The following MINK1 variants were observed in gnomAD, a reference collection of about 807,000 sequenced individuals.
MINK1 encodes misshapen like kinase 1, also known as misshapen-like kinase 1.
MINK1 carries 46 observed loss-of-function variants against 178.4 expected under a neutral mutation model. That is an observed-to-expected ratio of 0.26 (90% CI 0.20 to 0.33). The LOEUF is 0.33. Among genes scored for constraint, MINK1 ranks in the 10% least tolerant of loss-of-function variants. The pLI, the probability that MINK1 is intolerant of heterozygous loss-of-function variation, is 1.00. For missense variants in MINK1, 1,366 were observed against 1,814.9 expected (o/e 0.75, Z 4.49); for synonymous variants, 797 against 709.7 (o/e 1.12, Z -1.96).
intron 1 of MINK1, 49 bp from the exon 2 acceptor site, chr17:4,878,268 A>T: frequency 1.3e-6 from 2 of 1,503,750 alleles, no homozygotes; most frequent in Non-Finnish European, 1.8e-6. Context: ...TAGCTCTGTA[A>T]TCCTTTTCTA....
chr17:4,839,939 A>ATGTGTGTGTGTGTG (rs34473686), intron 1 of MINK1, among the ~76,000 whole-genome samples: 12 of 141,888 alleles, frequency 8.5e-5, no homozygotes, highest in East Asian at 2.0e-4. Context: ...TTATTTATTA[A>ATGTGTGTGTGTGTG]TGTGTGTGTG....
At chr17:4,870,615 A>G (rs1482577364) in intron 1 of MINK1, among the ~76,000 whole-genome samples, 5 of 152,018 alleles carry the variant, frequency 3.3e-5, no homozygotes, top group Non-Finnish European at 5.9e-5. Context: ...ACTTGAACTC[A>G]GGAGTTCAAG....
At chr17:4,834,630 T>A (rs1040907763) in intron 1 of MINK1, among the ~76,000 whole-genome samples, 10 of 152,222 alleles carry the variant, frequency 6.6e-5, no homozygotes, top group African/African-American at 2.4e-4. Context: ...TTTATGTTTT[T>A]CTTCGGCAGG....
chr17:4,852,802 G>T (rs796979668), intron 1 of MINK1, among the ~76,000 whole-genome samples: 97 of 1,382 alleles, frequency 0.07, 1 homozygote, highest in East Asian at 0.28. Context: ...GAGTGTGTTT[G>T]GTGGGGGAGT....
At position 4,895,876 on chromosome 17, in the gene MINK1, AAGAG is replaced by A; in HGVS notation, c.3364+48_3364+51del. ...AGTGGCCAGCGCATACTTGTTCATG[AAGAG>A]AGAAATGGATCTGGGAGCCAGGGAC... On this transcript the variant is annotated intron_variant, in intron 27 of 31. Coordinates refer to ENST00000355280, the MANE Select transcript of MINK1 (RefSeq NM_153827.5). The surrounding 1 kb of genome is among the most constrained non-coding windows in gnomAD (Gnocchi z 4.3). 2 of 1,602,166 alleles carry A rather than the reference AAGAG, an allele frequency of 1.2e-6. No homozygotes were observed. Among genetic ancestry groups the A allele is most frequent in the South Asian group, 2.2e-5 (2 of 89,872 alleles).
At chr17:4,842,173 T>G (rs1910335462) in intron 1 of MINK1, among the ~76,000 whole-genome samples, 1 of 143,728 alleles carries the variant, frequency 7.0e-6, no homozygotes, top group African/African-American at 2.6e-5. Flanking sequence ...GTAGTGAGCC[T>G]AGACCACGCC....
chr17:4,833,681 C>T lies in MINK1; in HGVS notation c.57+41C>T. 6.9e-7 allele frequency: 1 copy of T among 1,450,774 alleles called. No homozygotes were observed. 89.9% of individuals were successfully genotyped at this position (1,450,774 alleles called of 1,614,324 possible). Reference sequence around the variant, plus strand: ...CCCAGCCTCGCCCTGGTTCCTGTCCCCGCCGCAGGGGAGGGAGCGGGGTGG... The same window carrying T: ...CCCAGCCTCGCCCTGGTTCCTGTCCTCGCCGCAGGGGAGGGAGCGGGGTGG... On this transcript the variant is annotated intron_variant, in intron 1 of 31. Coordinates refer to ENST00000355280, the MANE Select transcript of MINK1 (RefSeq NM_153827.5). The surrounding 1 kb of genome is among the most constrained non-coding windows in gnomAD (Gnocchi z 4.8).
chr17:4,892,525 T>C lies in MINK1; in HGVS notation c.2198+13T>C. 1 of 1,536,806 alleles carries C rather than the reference T, an allele frequency of 6.5e-7. No homozygotes were observed. The highest frequency in any genetic ancestry group is 1.2e-5 in the South Asian group (1 of 84,872). ...CCAACGCCTCTAGGTAATAGAGTTG[T>C]CCCCCAACTCACTCTCACCTCTCAC... On this transcript the variant is annotated intron_variant, in intron 18 of 31. Transcript: ENST00000355280.
chr17:4,892,762 G>A lies in MINK1; in HGVS notation c.2305G>A (p.Val769Met), dbSNP rs367931451. 178 of 1,606,068 alleles carry A rather than the reference G, an allele frequency of 1.1e-4. 1 individual carries two copies. Among genetic ancestry groups the A allele is most frequent in the Non-Finnish European group, 1.3e-4 (158 of 1,176,424 alleles). ...PQAGSLERNR[V>M]GVSSKPDSSP... is the part of the protein sequence containing the mutation. ...GGCTGGCTCACTGGAGCGGAACCGC[G>A]TGGGAGGTATGTGAGCCAGGGCTGG... Residue 769 changes from valine to methionine, a missense_variant, in exon 19 of 32, where the codon GTG (valine) becomes ATG (methionine). Val to Met is a conservative substitution (Grantham distance 21, BLOSUM62 1). This residue lies in a region of MINK1 where 709 missense variants were observed against 692.3 expected (regional missense o/e 1.02). Coordinates refer to ENST00000355280, the MANE Select transcript of MINK1 (RefSeq NM_153827.5).
chr17:4,880,150 C>T (rs750321924), intron 2 of MINK1, among the ~76,000 whole-genome samples: 28 of 152,144 alleles, frequency 1.8e-4, no homozygotes, highest in Non-Finnish European at 2.8e-4. Context: ...GGAGACCCTT[C>T]GCCTTTATTG....
At chr17:4,852,030 A>G in intron 1 of MINK1, among the ~76,000 whole-genome samples, 1 of 150,026 alleles carries the variant, frequency 6.7e-6, no homozygotes, top group South Asian at 2.1e-4. Flanking sequence ...AAAAAAAACT[A>G]AGAAAGTCCA....
chr17:4,888,308 A>G (rs1189337191), intron 12 of MINK1, among the ~76,000 whole-genome samples: 1 of 152,042 alleles, frequency 6.6e-6, no homozygotes, highest in Non-Finnish European at 1.5e-5. Context: ...AATAATTTGC[A>G]AGAAAACCTG....
chr17:4,884,576 T>C (rs898020931), intron 5 of MINK1, 103 bp downstream of exon 5: 3 of 850,474 alleles, frequency 3.5e-6, no homozygotes, highest in Admixed American at 2.1e-5. Context: ...ATCACTGCCC[T>C]CTTTAGGGAG....
Position 4,895,972 on chromosome 17 carries a change from T to G in MINK1, c.3365-31T>G, listed in dbSNP as rs1182562000. On this transcript the variant is annotated intron_variant, in intron 27 of 31. Coordinates refer to ENST00000355280, the MANE Select transcript of MINK1 (RefSeq NM_153827.5). This position sits in a 1 kb window ranked among gnomAD's most constrained non-coding sequence, Gnocchi z 4.3. ...GGCGCCCGTGGCGCAAGAAGGGAAG[T>G]CTCAGCATCCCTCTTCTCTCCCGCC... 2 of 1,573,162 alleles carry G rather than the reference T, an allele frequency of 1.3e-6. No individual in the cohort carries two copies. Among genetic ancestry groups the G allele is most frequent in the Non-Finnish European group, 1.7e-6 (2 of 1,159,066 alleles).
rs371130731 is a variant in MINK1 at position 4,891,670 on chromosome 17, C to T, written c.1955C>T (p.Pro652Leu). 331 of 1,600,902 alleles carry T rather than the reference C, an allele frequency of 2.1e-4. 2 individuals carry two copies. Among genetic ancestry groups the T allele is most frequent in the Admixed American group, 3.5e-4 (20 of 57,578 alleles). Residue 652 changes from proline (P) to leucine (L), a missense_variant, in exon 16 of 32, where the codon CCG becomes CTG. By Grantham distance (98) the Pro-to-Leu change is moderately conservative. Around this residue, in one of 14 missense-constraint regions of MINK1, gnomAD observed 709 missense variants for 692.3 expected, o/e 1.02. Transcript: ENST00000355280. ...DPTSEGPGPS[P>L]NPPAWVRPDN... is the part of the protein sequence containing the mutation. The stretch of plus-strand genomic sequence containing the variant: ...ACCTCTGAAGGACCTGGCCCCAGCC[C>T]GAATCCCCCAGCCTGGGTCCGCCCA...
chr17:4,872,510 C>G (rs555121369), intron 1 of MINK1, among the ~76,000 whole-genome samples: 3 of 151,984 alleles, frequency 2.0e-5, no homozygotes, highest in Admixed American at 6.6e-5. Context: ...CAGTGGCTCA[C>G]GCCTGTAATC....
chr17:4,866,211 T>C (rs1236692303), intron 1 of MINK1, among the ~76,000 whole-genome samples: 1 of 152,024 alleles, frequency 6.6e-6, no homozygotes, highest in African/African-American at 2.4e-5. Flanking sequence ...TTCACGCCTG[T>C]AATCCCAGCA....
Position 4,836,988 on chromosome 17 carries a change from T to C in MINK1, c.57+3348T>C, listed in dbSNP as rs1909399491. On this transcript the variant is annotated intron_variant, in intron 1 of 31. Coordinates refer to ENST00000355280, the MANE Select transcript of MINK1 (RefSeq NM_153827.5). The surrounding 1 kb of genome is among the most constrained non-coding windows in gnomAD (Gnocchi z 4.3). ...AGAGGTCAGAAGTTCGAGACCAGCC[T>C]GGCCAACATGGTAAAACCCCATCTC... Among the ~76,000 whole-genome samples the C allele has an allele frequency of 6.6e-6, 1 of 151,934 alleles. No individual in the cohort carries two copies. The highest frequency in any genetic ancestry group is 1.5e-5 in the Non-Finnish European group (1 of 68,010).
At chr17:4,841,745 A>G (rs1460315757) in intron 1 of MINK1, among the ~76,000 whole-genome samples, 1 of 152,106 alleles carries the variant, frequency 6.6e-6, no homozygotes, top group Non-Finnish European at 1.5e-5. Context: ...GGTAAGAGAC[A>G]TGGATCTAAG....
Sources: allele counts gnomAD v4.1 joint callset (sites outside exome capture counted in the v4.1 genomes callset), GRCh38; gene constraint gnomAD v4.1.1; regional missense constraint gnomAD v4.1.1; non-coding constraint Gnocchi (gnomAD v3.1); transcripts MANE v1.5; gene names NCBI Gene and HGNC (gene_info 2026-07-23, HGNC 2026-07-21).